The following WNK1 variants were observed in gnomAD, a reference collection of about 807,000 sequenced individuals.
WNK1 encodes the protein WNK lysine deficient protein kinase 1.
In WNK1, 38 loss-of-function variants were observed where a neutral mutation model predicts 222.8. The observed-to-expected ratio is 0.17, with a 90% confidence interval of 0.13 to 0.22. WNK1 has a LOEUF of 0.22. Ranked by LOEUF, WNK1 falls within the 10% of genes least tolerant of loss-of-function variation. The probability of loss-of-function intolerance (pLI) is 1.00; values close to 1 mark genes in which losing one functional copy is unlikely to be tolerated. For synonymous variants in WNK1, 1,090 were observed against 1,092.9 expected (o/e 1.00, Z 0.05); for missense variants, 2,348 against 2,918.4 (o/e 0.80, Z 4.50).
intron 1 of WNK1, among the ~76,000 whole-genome samples, chr12:812,527 T>C (rs11064545): frequency 0.053 from 8,089 of 152,238 alleles, 416 homozygotes; most frequent in African/African-American, 0.11. Flanking sequence ...GTAAGAGGCA[T>C]GTACATAGTA....
intron 6 of WNK1, 98 bp from the exon 7 acceptor site, chr12:860,915 T>C: frequency 5.7e-6 from 7 of 1,237,514 alleles, no homozygotes; most frequent in Non-Finnish European, 8.1e-6. Context: ...TTCTCTACTT[T>C]TTTTACAATG....
At chr12:785,348 C>CAT (rs1448156280) in intron 1 of WNK1, among the ~76,000 whole-genome samples, 1 of 151,946 alleles carries the variant, frequency 6.6e-6, no homozygotes, top group Non-Finnish European at 1.5e-5. Flanking sequence ...ACTCCTGTTA[C>CAT]ATATATGTTG....
At chr12:754,973 G>A (rs1939778578) in intron 1 of WNK1, among the ~76,000 whole-genome samples, 1 of 152,198 alleles carries the variant, frequency 6.6e-6, no homozygotes, top group Non-Finnish European at 1.5e-5. Context: ...AGGAGCCCAT[G>A]CAAAATTGTG....
Position 881,956 on chromosome 12 carries a change from C to T in WNK1, c.3255C>T (p.Asn1085=), listed in dbSNP as rs1389628904. ...VASGMSDGNE[N]VPSSSGRHEG... is the part of the protein sequence containing the mutation. ...CAGGTATGAGTGATGGCAATGAGAACGTCCCATCTTCCAGTGGAAGGCATG... is the reference window on the plus strand; with the variant it reads ...CAGGTATGAGTGATGGCAATGAGAATGTCCCATCTTCCAGTGGAAGGCATG... The change falls in exon 14 of 28, where the codon AAC becomes AAT. Residue 1085 remains asparagine, a synonymous_variant. Transcript: ENST00000315939. 3.7e-6 allele frequency: 6 copies of T among 1,613,974 alleles called. No homozygotes were observed. The highest frequency in any genetic ancestry group is 4.5e-5 in the East Asian group (2 of 44,902).
Position 753,466 on chromosome 12 carries a change from G to A in WNK1, c.-100G>A. 1.3e-6 allele frequency: 2 copies of A among 1,532,702 alleles called. No individual in the cohort carries two copies. Among genetic ancestry groups the A allele is most frequent in the Non-Finnish European group, 1.8e-6 (2 of 1,129,904 alleles). The allele number at this position is 1,532,702 out of a possible 1,614,324, so 94.9% of individuals were successfully genotyped here. On this transcript the variant is annotated 5_prime_UTR_variant, in exon 1 of 28. Transcript: ENST00000315939. This position sits in a 1 kb window ranked among gnomAD's most constrained non-coding sequence, Gnocchi z 5.2. The stretch of plus-strand genomic sequence containing the variant: ...CGTCCGGGTCGGCGCGAACCCGCCC[G>A]GCCGCGGTTCCCTGCAGACCTCTGC...
chr12:863,636 A>G (rs912683689), intron 8 of WNK1, among the ~76,000 whole-genome samples: 1 of 152,150 alleles, frequency 6.6e-6, no homozygotes, highest in East Asian at 1.9e-4. Flanking sequence ...GTAGAATGAC[A>G]TGAAGATATT....
At chr12:789,676 C>A (rs941360428) in intron 1 of WNK1, among the ~76,000 whole-genome samples, 3 of 151,874 alleles carry the variant, frequency 2.0e-5, no homozygotes, top group African/African-American at 7.3e-5. Flanking sequence ...GTGTATGCCA[C>A]CAAACGCCAG....
At chr12:760,684 A>G (rs1033057072) in intron 1 of WNK1, among the ~76,000 whole-genome samples, 1 of 147,618 alleles carries the variant, frequency 6.8e-6, no homozygotes, top group Non-Finnish European at 1.5e-5. Context: ...TTGAAGAAAC[A>G]TTGTCAGAAG....
chr12:903,600 G>C (rs1043351745), intron 26 of WNK1, among the ~76,000 whole-genome samples: 1 of 152,142 alleles, frequency 6.6e-6, no homozygotes, highest in African/African-American at 2.4e-5. Flanking sequence ...CACTTTTAAA[G>C]GTAGGTGGTA....
At chr12:824,680 A>G (rs1382308864) in intron 2 of WNK1, among the ~76,000 whole-genome samples, 1 of 151,612 alleles carries the variant, frequency 6.6e-6, no homozygotes, top group Non-Finnish European at 1.5e-5. Context: ...AAAAAAAGAG[A>G]GAAGTAATAT....
Position 896,710 on chromosome 12 carries a change from G to C in WNK1, c.6223G>C (p.Glu2075Gln). The C allele has an allele frequency of 3.1e-6, 5 of 1,609,198 alleles. No individual in the cohort carries two copies. The Middle Eastern group carries it at 8.3e-4, about 266-fold the overall frequency. ...SDIEDEDLKL[E>Q]LRRLRDKHLK... ...TATCGAAGATGAAGACTTAAAGTTA[G>C]AGCTGCGACGACTACGAGATAAGTA... Residue 2075 changes from glutamate (E) to glutamine (Q), a missense_variant, in exon 24 of 28, where the codon GAG becomes CAG. Coordinates refer to ENST00000315939, the MANE Select transcript of WNK1 (RefSeq NM_018979.4).
At chr12:880,096 G>T in intron 11 of WNK1, 65 bp downstream of exon 11, 1 of 1,484,230 alleles carries the variant, frequency 6.7e-7, no homozygotes. Flanking sequence ...TCAGGAACAT[G>T]GAAATCTAAT....
In WNK1 at chr12:909,408, GA is replaced by G. The variant is rs886048808; in HGVS notation, c.*628del. On this transcript the variant is annotated 3_prime_UTR_variant, in exon 28 of 28. Coordinates refer to ENST00000315939, the MANE Select transcript of WNK1 (RefSeq NM_018979.4). ...CTTTGACTGCAGCATTAGCAATTAG[GA>G]AAAAAAAAAAATTAAGTTCCCTGCG... The G allele has an allele frequency of 3.1e-3, 449 of 144,552 alleles. 3 individuals are homozygous for G. Among genetic ancestry groups the G allele is most frequent in the East Asian group, 0.016 (81 of 5,064 alleles). The allele number at this position is 144,552 out of a possible 1,614,324, so 9.0% of individuals were successfully genotyped here. A position where few individuals can be genotyped will look rare whatever the true frequency, so the allele number is the denominator to read the frequency against.
intron 8 of WNK1, among the ~76,000 whole-genome samples, chr12:869,895 AAATTT>A (rs1359650544): frequency 6.6e-6 from 1 of 152,104 alleles, no homozygotes; most frequent in African/African-American, 2.4e-5. Context: ...TTTCCTCAAC[AAATTT>A]AATTTTAGTT....
chr12:883,157 T>C, intron 15 of WNK1, 98 bp downstream of exon 15: 1 of 1,064,448 alleles, frequency 9.4e-7, no homozygotes, highest in East Asian at 2.4e-5. Context: ...CCATGTTTTT[T>C]TAAAGTTATG....
At position 911,349 on chromosome 12, in the gene WNK1, T is replaced by C. The variant is rs973109329; in HGVS notation, c.*2557T>C. On this transcript the variant is annotated 3_prime_UTR_variant, in exon 28 of 28. Coordinates refer to ENST00000315939, the MANE Select transcript of WNK1 (RefSeq NM_018979.4). ...TTAATTGTACATTTTGCACTAACTC[T>C]GGGTGTTGCGCTTCTTGTAAGATTG... 1 of 398,152 alleles carries C rather than the reference T, an allele frequency of 2.5e-6. No individual in the cohort carries two copies. The highest frequency in any genetic ancestry group is 4.4e-6 in the Non-Finnish European group (1 of 226,058). 24.7% of individuals were successfully genotyped at this position (398,152 alleles called of 1,614,324 possible). A position where few individuals can be genotyped will look rare whatever the true frequency, so the allele number is the denominator to read the frequency against.
intron 1 of WNK1, among the ~76,000 whole-genome samples, chr12:754,647 T>C (rs1939705304): frequency 6.6e-6 from 1 of 152,038 alleles, no homozygotes; most frequent in African/African-American, 2.4e-5. Context: ...GTACAGATGC[T>C]TCTTCTTCTG....
Position 753,650 on chromosome 12 carries a change from T to C in WNK1, c.85T>C (p.Ser29Pro). Reference protein sequence around the residue: ...SPPAPAPKNGSSSDSSVGEKL... With the variant: ...SPPAPAPKNGPSSDSSVGEKL... The stretch of plus-strand genomic sequence containing the variant: ...GCCGGCTCCTGCCCCCAAGAATGGC[T>C]CCAGCTCCGATTCCTCCGTGGGGGA... Residue 29 changes from serine (S) to proline (P), a missense_variant, in exon 1 of 28, where the codon TCC becomes CCC. Around this residue, in one of 13 missense-constraint regions of WNK1, gnomAD observed 108 missense variants for 109.7 expected, o/e 0.98. Transcript: ENST00000315939. This position sits in a 1 kb window ranked among gnomAD's most constrained non-coding sequence, Gnocchi z 5.2. 1 of 1,612,334 alleles carries C rather than the reference T, an allele frequency of 6.2e-7. No individual in the cohort carries two copies. Among genetic ancestry groups the C allele is most frequent in the Non-Finnish European group, 8.5e-7 (1 of 1,179,856 alleles).
intron 4 of WNK1, among the ~76,000 whole-genome samples, chr12:844,156 G>A (rs1949842114): frequency 2.0e-5 from 3 of 151,144 alleles, no homozygotes; most frequent in South Asian, 2.1e-4. Flanking sequence ...TTTTGAGACG[G>A]GGTCTTGCTC....
Sources: gnomAD v4.1 joint callset for allele counts (sites outside exome capture counted in the v4.1 genomes callset) on GRCh38, gnomAD v4.1.1 for gene constraint, gnomAD v4.1.1 regional missense constraint, Gnocchi (gnomAD v3.1) non-coding constraint, MANE v1.5 for transcripts, NCBI Gene and HGNC (gene_info 2026-07-23, HGNC 2026-07-21) for gene names.